NCR1: variants seen among roughly 807,000 people sequenced by gnomAD.
The protein encoded by NCR1 is NK cell-activating receptor.
NCR1 carries 30 observed loss-of-function variants against 32.5 expected under a neutral mutation model. The ratio of observed to expected loss-of-function variants is 0.92; its 90% confidence interval spans 0.69 to 1.25. The LOEUF (loss-of-function observed/expected upper bound fraction) is 1.25. Ranked by LOEUF, NCR1 falls within the 50% of genes most tolerant of loss-of-function variation. The pLI is 0.00. For synonymous variants in NCR1, 169 were observed against 143.4 expected, an observed-to-expected ratio of 1.18 and a Z score of -1.28; for missense variants, 369 against 380.7, an observed-to-expected ratio of 0.97 and a Z score of 0.26.
chr19:54,927,688 C>T, the NCR1 span: 3 of 1,614,132 alleles, frequency 1.9e-6, no homozygotes, highest in Non-Finnish European at 2.5e-6. Flanking sequence ...GATTCTGGCC[C>T]AGGTCCAGAG....
At chr19:54,902,215 GGAGAGA>G (rs948846368), upstream of NCR1, among the ~76,000 whole-genome samples, 5 of 152,094 alleles carry the variant, frequency 3.3e-5, no homozygotes, top group East Asian at 5.8e-4. Context: ...CTTTCTTCGG[GGAGAGA>G]GGGAGAGGGA....
chr19:54,910,834 C>T (rs1483173583), intron 5 of NCR1, among the ~76,000 whole-genome samples: 1 of 152,150 alleles, frequency 6.6e-6, no homozygotes, highest in Non-Finnish European at 1.5e-5. Context: ...CCAGATGGAC[C>T]TCACAGAGAA....
the NCR1 span, among the ~76,000 whole-genome samples, chr19:54,931,842 G>A: frequency 3.0e-4 from 21 of 70,290 alleles, no homozygotes; most frequent in East Asian, 7.5e-3. Flanking sequence ...GAGAGAGACT[G>A]TTAAAAAAAA....
chr19:54,934,907 C>T, the NCR1 span, among the ~76,000 whole-genome samples: 40 of 152,168 alleles, frequency 2.6e-4, no homozygotes, highest in Middle Eastern at 6.8e-3. The surrounding 1 kb of genome is among the most constrained non-coding windows in gnomAD (Gnocchi z 6.7). Context: ...ATGTTGGCCA[C>T]ACTGGTCTTG....
upstream of NCR1, among the ~76,000 whole-genome samples, chr19:54,905,211 A>AT (rs2067508491): frequency 6.6e-6 from 1 of 152,214 alleles, no homozygotes; most frequent in South Asian, 2.1e-4. Context: ...CCAACAGTGT[A>AT]TAAGTGTCCC....
chr19:54,919,714 A>ACACCC (rs1340754463), downstream of NCR1, among the ~76,000 whole-genome samples: 14 of 100,016 alleles, frequency 1.4e-4, no homozygotes, highest in African/African-American at 4.5e-4. Flanking sequence ...GGAAAGGGAG[A>ACACCC]CCCCCCCCCC....
chr19:54,912,749 G>T lies in NCR1; in HGVS notation c.793G>T (p.Val265Phe), dbSNP rs759330355. ...NLLRMGLAFL[V>F]LVALVWFLVE... Reference sequence around the variant, plus strand: ...CCTTCGGATGGGCCTGGCCTTTCTAGTCCTGGTGGCTCTAGTGTGGTTCCT... The same window carrying T: ...CCTTCGGATGGGCCTGGCCTTTCTATTCCTGGTGGCTCTAGTGTGGTTCCT... The change falls in exon 7 of 7, where the codon GTC becomes TTC. Residue 265 changes from valine to phenylalanine, a missense_variant. Val to Phe is a conservative substitution (Grantham distance 50). Transcript: ENST00000291890. 19 of 1,613,850 alleles carry T rather than the reference G, an allele frequency of 1.2e-5. No individual in the cohort carries two copies. Among genetic ancestry groups the T allele is most frequent in the Non-Finnish European group, 1.6e-5 (19 of 1,180,006 alleles).
At chr19:54,905,351 TA>T (rs2067521507), upstream of NCR1, among the ~76,000 whole-genome samples, 1 of 135,350 alleles carries the variant, frequency 7.4e-6, no homozygotes, top group Admixed American at 8.3e-5. Context: ...GAGGAGGATT[TA>T]TTATTATTAT....
chr19:54,919,860 C>G (rs1050806210), downstream of NCR1, among the ~76,000 whole-genome samples: 1 of 152,302 alleles, frequency 6.6e-6, no homozygotes, highest in African/African-American at 2.4e-5. Flanking sequence ...AAGGAGCCCT[C>G]TGGTGGCCCT....
At chr19:54,912,588 AGG>A in intron 6 of NCR1, 100 bp from the exon 7 acceptor site, 1 of 885,992 alleles carries the variant, frequency 1.1e-6, no homozygotes, top group Non-Finnish European at 1.6e-6. Flanking sequence ...GACAAGACTG[AGG>A]CTCTGTCTCA....
intron 5 of NCR1, 59 bp from the exon 6 acceptor site, chr19:54,912,109 G>C: frequency 2.1e-6 from 3 of 1,412,760 alleles, no homozygotes; most frequent in Non-Finnish European, 3.0e-6. Flanking sequence ...CCAAGGGAAG[G>C]AGTGCTGGGG....
At chr19:54,927,735 G>A in the NCR1 span, 8 of 1,614,128 alleles carry the variant, frequency 5.0e-6, no homozygotes, top group Non-Finnish European at 5.9e-6. Flanking sequence ...GCAGATCCAA[G>A]ATGCTGACAA....
At chr19:54,931,860 A>AT in the NCR1 span, among the ~76,000 whole-genome samples, 44,505 of 149,946 alleles carry the variant, frequency 0.3, 6,843 homozygotes, top group East Asian at 0.41. Flanking sequence ...AAAAAAAAAA[A>AT]CATCCAAATG....
chr19:54,912,257 G>C, intron 6 of NCR1, 39 bp downstream of exon 6: 3 of 1,593,596 alleles, frequency 1.9e-6, no homozygotes, highest in South Asian at 1.1e-5. Context: ...TGAAGGAAGG[G>C]GCTGGGCATA....
At chr19:54,899,525 G>C in the NCR1 span, among the ~76,000 whole-genome samples, 1 of 151,950 alleles carries the variant, frequency 6.6e-6, no homozygotes, top group East Asian at 1.9e-4. Flanking sequence ...GAGACAAGAG[G>C]TCGGGGTGTG....
the NCR1 span, among the ~76,000 whole-genome samples, chr19:54,921,168 T>C: frequency 6.6e-6 from 1 of 152,168 alleles, no homozygotes; most frequent in Non-Finnish European, 1.5e-5. Flanking sequence ...GAACTTCATG[T>C]GCATGTAGAA....
the NCR1 span, among the ~76,000 whole-genome samples, chr19:54,921,202 CCT>C: frequency 6.6e-6 from 1 of 152,158 alleles, no homozygotes; most frequent in East Asian, 1.9e-4. Flanking sequence ...CTCAGCCCTA[CCT>C]CTCATCACCT....
At chr19:54,927,381 CA>C in the NCR1 span, among the ~76,000 whole-genome samples, 70,648 of 138,574 alleles carry the variant, frequency 0.51, 17,115 homozygotes, top group South Asian at 0.63. Flanking sequence ...AACTCCGTCT[CA>C]AAAAAAAAAA....
chr19:54,908,542 C>A (rs1245877827), intron 3 of NCR1, among the ~76,000 whole-genome samples: 1 of 152,126 alleles, frequency 6.6e-6, no homozygotes, highest in Non-Finnish European at 1.5e-5. Context: ...AGAGGGGCTC[C>A]TCACTTCCCA....
Sources: gnomAD v4.1 joint callset for allele counts (sites outside exome capture counted in the v4.1 genomes callset) on GRCh38, gnomAD v4.1.1 for gene constraint, Gnocchi (gnomAD v3.1) non-coding constraint, MANE v1.5 for transcripts, NCBI Gene and HGNC (gene_info 2026-07-23, HGNC 2026-07-21) for gene names.